Variants in ASPH observed in about 807,000 individuals in gnomAD.
ASPH encodes the protein aspartyl/asparaginyl beta-hydroxylase.
ASPH carries 100 observed loss-of-function variants against 118.4 expected under a neutral mutation model. That is an observed-to-expected ratio of 0.84 (90% CI 0.72 to 1.00). ASPH has a LOEUF of 1.00. Ranked by LOEUF, ASPH falls within the 50% of genes least tolerant of loss-of-function variation. The pLI is 0.00. For missense variants in ASPH, 920 were observed against 919.5 expected (o/e 1.00, Z -0.01); for synonymous variants, 315 against 325.6 (o/e 0.97, Z 0.35).
chr8:61,531,053 T>C lies in ASPH; in HGVS notation c.1765-4941A>G, dbSNP rs549858757. Among the ~76,000 whole-genome samples, 7 of 152,382 alleles carry C rather than the reference T, an allele frequency of 4.6e-5. No individual in the cohort carries two copies. In the South Asian group the frequency reaches 1.2e-3, roughly 27 times the overall value. On this transcript the variant is annotated intron_variant, in intron 21 of 24. Transcript: ENST00000379454. ...TATGACAATCAGGTATCATTCATAC[T>C]TGAGTTGTAATGATTACACTTCATG...
chr8:61,534,003 A>G (rs1353194912), intron 21 of ASPH, among the ~76,000 whole-genome samples: 2 of 152,252 alleles, frequency 1.3e-5, no homozygotes, highest in East Asian at 3.9e-4. Flanking sequence ...GCTAGAGTAC[A>G]ATGGCGCGAT....
chr8:61,541,064 C>A (rs923027616), intron 21 of ASPH, among the ~76,000 whole-genome samples: 64 of 152,160 alleles, frequency 4.2e-4, no homozygotes, highest in African/African-American at 1.4e-3. Flanking sequence ...TCGAGACCAT[C>A]CTGGTTAACA....
chr8:61,599,539 A>T (rs761126016), intron 14 of ASPH, among the ~76,000 whole-genome samples: 33 of 152,100 alleles, frequency 2.2e-4, no homozygotes, highest in Admixed American at 1.3e-4. Flanking sequence ...TGACTAAGAA[A>T]AAAAAGGAGA....
intron 15 of ASPH, 84 bp downstream of exon 15, chr8:61,583,860 C>T: frequency 1.2e-6 from 1 of 849,340 alleles, no homozygotes; most frequent in South Asian, 1.6e-5. Flanking sequence ...TTTACACTTA[C>T]TATTTTTTTT....
At chr8:61,685,062 C>T (rs1338401926) in intron 1 of ASPH, among the ~76,000 whole-genome samples, 1 of 152,070 alleles carries the variant, frequency 6.6e-6, no homozygotes, top group African/African-American at 2.4e-5. Context: ...CGGTGTCTCC[C>T]ATTTGTGTGG....
intron 3 of ASPH, among the ~76,000 whole-genome samples, chr8:61,669,224 T>C (rs1276266313): frequency 6.6e-6 from 1 of 152,248 alleles, no homozygotes; most frequent in Non-Finnish European, 1.5e-5. Flanking sequence ...TCAAAACTTC[T>C]ACTTTCAGTA....
chr8:61,539,483 G>A (rs182569393), intron 21 of ASPH, among the ~76,000 whole-genome samples: 2 of 152,150 alleles, frequency 1.3e-5, no homozygotes, highest in African/African-American at 4.8e-5. Flanking sequence ...GAGATCAAAT[G>A]CCCTGCTTGA....
At chr8:61,651,191 A>AAT in intron 4 of ASPH, 67 bp from the exon 5 acceptor site, 22 of 1,317,038 alleles carry the variant, frequency 1.7e-5, no homozygotes, top group Middle Eastern at 2.1e-4. Context: ...CTAACACTCA[A>AAT]ATATGACATT....
chr8:61,559,173 T>C (rs1400418314), intron 18 of ASPH, among the ~76,000 whole-genome samples: 1 of 152,214 alleles, frequency 6.6e-6, no homozygotes, highest in Admixed American at 6.5e-5. Context: ...CATTTATCCT[T>C]TGTGTTACAA....
intron 1 of ASPH, among the ~76,000 whole-genome samples, chr8:61,707,352 T>G (rs1037164166): frequency 1.3e-5 from 2 of 152,174 alleles, no homozygotes; most frequent in South Asian, 4.1e-4. Context: ...CTCTTACCAG[T>G]AACTTCACTA....
At chr8:61,617,695 C>A (rs1849493928) in intron 14 of ASPH, among the ~76,000 whole-genome samples, 1 of 151,884 alleles carries the variant, frequency 6.6e-6, no homozygotes, top group African/African-American at 2.4e-5. Flanking sequence ...CTTTGGGAGG[C>A]CGAGGTGGGA....
At chr8:61,598,971 C>T (rs771967286) in intron 14 of ASPH, among the ~76,000 whole-genome samples, 1 of 151,980 alleles carries the variant, frequency 6.6e-6, no homozygotes, top group Non-Finnish European at 1.5e-5. Flanking sequence ...ACACAACATA[C>T]CAAAACCCAT....
chr8:61,597,391 A>G (rs1311925464), intron 14 of ASPH, among the ~76,000 whole-genome samples: 1 of 152,096 alleles, frequency 6.6e-6, no homozygotes, highest in Non-Finnish European at 1.5e-5. Flanking sequence ...ATTACATAAT[A>G]TATGTGACAC....
At chr8:61,668,928 T>C (rs1445193040) in intron 3 of ASPH, among the ~76,000 whole-genome samples, 2 of 152,230 alleles carry the variant, frequency 1.3e-5, no homozygotes, top group Non-Finnish European at 2.9e-5. Flanking sequence ...CTAACTCTTA[T>C]TCCAACCAGG....
chr8:61,513,519 C>T (rs573392933), intron 24 of ASPH, among the ~76,000 whole-genome samples: 2 of 152,316 alleles, frequency 1.3e-5, no homozygotes, highest in Non-Finnish European at 2.9e-5. Context: ...AGAAGGGCTG[C>T]TGACCAGCAG....
chr8:61,619,958 G>A (rs1318637159), intron 13 of ASPH, among the ~76,000 whole-genome samples: 1 of 152,182 alleles, frequency 6.6e-6, no homozygotes, highest in Non-Finnish European at 1.5e-5. Context: ...GCAAGAGGAT[G>A]TCGGTGAGAT....
At chr8:61,524,498 AC>A (rs1266043648) in intron 22 of ASPH, among the ~76,000 whole-genome samples, 3 of 152,230 alleles carry the variant, frequency 2.0e-5, no homozygotes, top group Non-Finnish European at 4.4e-5. Context: ...CAATTCTATC[AC>A]ATGTAAGAAA....
intron 21 of ASPH, among the ~76,000 whole-genome samples, chr8:61,531,564 T>C (rs918793915): frequency 3.3e-5 from 5 of 152,026 alleles, no homozygotes; most frequent in Admixed American, 1.3e-4. Context: ...ATACTATTTT[T>C]ATTTTAAAAA....
intron 20 of ASPH, among the ~76,000 whole-genome samples, chr8:61,551,415 G>T (rs983514376): frequency 2.0e-5 from 3 of 152,154 alleles, no homozygotes; most frequent in African/African-American, 7.2e-5. Context: ...CCTAATGCTG[G>T]GAATATACTA....
Sources: gnomAD v4.1 joint callset for allele counts (sites outside exome capture counted in the v4.1 genomes callset) on GRCh38, gnomAD v4.1.1 for gene constraint, MANE v1.5 for transcripts, NCBI Gene and HGNC (gene_info 2026-07-23, HGNC 2026-07-21) for gene names.